The following KALRN variants were observed in gnomAD, a reference collection of about 807,000 sequenced individuals.
KALRN encodes the protein kalirin.
In KALRN, 70 loss-of-function variants were observed where a neutral mutation model predicts 353.7. The ratio of observed to expected loss-of-function variants is 0.20; its 90% CI spans 0.16 to 0.24. The LOEUF (loss-of-function observed/expected upper bound fraction) is 0.24, where lower values mean the gene tolerates loss of function less well. Among genes scored for constraint, KALRN ranks in the 10% least tolerant of loss-of-function variants. The probability of loss-of-function intolerance (pLI) is 1.00; values close to 1 mark genes in which losing one functional copy is unlikely to be tolerated. For missense variants in KALRN, 2,791 were observed against 3,756.7 expected (o/e 0.74, Z 6.72); for synonymous variants, 1,391 against 1,434.8 (o/e 0.97, Z 0.69).
intron 1 of KALRN, among the ~76,000 whole-genome samples, chr3:124,165,810 G>C (rs548933654): frequency 7.9e-5 from 12 of 152,054 alleles, no homozygotes; most frequent in Non-Finnish European, 5.9e-5. Flanking sequence ...AAGTGCTTTC[G>C]CACTGTACCT....
At position 124,638,238 on chromosome 3, in the gene KALRN, A is replaced by G. The variant is rs143599758; in HGVS notation, c.5664+935A>G. 2.4e-3 allele frequency among the ~76,000 whole-genome samples: 372 copies of G among 152,174 alleles called. 3 individuals are homozygous for G. The highest frequency in any genetic ancestry group is 2.9e-3 in the South Asian group (14 of 4,798). ...GGAAAGCTACCTAATAATTTTGACT[A>G]TAGTAACTCCCTTTTCAGATATCCC... On this transcript the variant is annotated intron_variant, in intron 37 of 59. Transcript: ENST00000682506.
In KALRN at chr3:124,477,298, C is replaced by T. The variant is rs766554025; in HGVS notation, c.4155C>T (p.Asn1385=). 6.2e-7 allele frequency: 1 copy of T among 1,613,972 alleles called. No homozygotes were observed. Among genetic ancestry groups the T allele is most frequent in the South Asian group, 1.1e-5 (1 of 91,052 alleles). Residue 1385 remains asparagine, a synonymous_variant, in exon 27 of 60, where the codon AAC becomes AAT. Transcript: ENST00000682506. ...VTYCKNKPDS[N]QLILEHAGTF... ...ACTGTAAAAACAAGCCTGATTCCAA[C>T]CAGCTTATCCTGGAGCATGCGGGCA...
intron 33 of KALRN, among the ~76,000 whole-genome samples, chr3:124,554,920 C>T (rs1265057471): frequency 6.6e-6 from 1 of 152,110 alleles, no homozygotes; most frequent in Non-Finnish European, 1.5e-5. Context: ...TAAAATCTCC[C>T]TAACATGTTT....
chr3:124,579,382 C>T (rs2074419017), intron 34 of KALRN, among the ~76,000 whole-genome samples: 1 of 152,220 alleles, frequency 6.6e-6, no homozygotes, highest in African/African-American at 2.4e-5. Context: ...GCAGGTATCA[C>T]TGAAGACAAA....
chr3:124,549,547 C>T (rs569604055), intron 33 of KALRN, among the ~76,000 whole-genome samples: 1 of 152,002 alleles, frequency 6.6e-6, no homozygotes, highest in East Asian at 1.9e-4. Context: ...TTCAGTAAGC[C>T]AAATAGGGAA....
At chr3:124,264,412 G>T in intron 3 of KALRN, 86 bp from the exon 4 acceptor site, 1 of 1,107,050 alleles carries the variant, frequency 9.0e-7, no homozygotes, top group Non-Finnish European at 1.3e-6. Flanking sequence ...GTCAAGGGGA[G>T]TGCAGGTTTC....
At chr3:124,505,608 G>A (rs1452602789) in intron 33 of KALRN, among the ~76,000 whole-genome samples, 1 of 152,168 alleles carries the variant, frequency 6.6e-6, no homozygotes. Flanking sequence ...ACTCCAACCT[G>A]GAGTGAGACC....
intron 7 of KALRN, among the ~76,000 whole-genome samples, chr3:124,327,489 A>T (rs758510141): frequency 1.3e-5 from 2 of 152,156 alleles, no homozygotes; most frequent in Non-Finnish European, 2.9e-5. Flanking sequence ...TACAATACAG[A>T]GTATTGTATA....
intron 3 of KALRN, 125 bp from the exon 4 acceptor site, chr3:124,264,373 C>A: frequency 1.3e-6 from 1 of 754,758 alleles, no homozygotes; most frequent in East Asian, 2.7e-5. Context: ...GGCCAAGAGA[C>A]CTGGCATGAA....
At position 124,667,104 on chromosome 3, in the gene KALRN, A is replaced by T; in HGVS notation, c.6624A>T (p.Gln2208His). ...NRETSERVVL[Q>H]AANADIQQAW... is the part of the protein sequence containing the mutation. The stretch of plus-strand genomic sequence containing the variant: ...AGACTTCTGAGAGGGTTGTTCTGCA[A>T]GCCGCCAACGCTGACATCCAGCAGG... The change falls in exon 47 of 60, where the codon CAA (glutamine) becomes CAT (histidine). Residue 2208 changes from glutamine to histidine, a missense_variant. This residue lies in a region of KALRN where 1,065 missense variants were observed against 1,156.4 expected (regional missense o/e 0.92). Transcript: ENST00000682506. 6.2e-7 allele frequency: 1 copy of T among 1,614,238 alleles called. No homozygotes were observed. Among genetic ancestry groups the T allele is most frequent in the Non-Finnish European group, 8.5e-7 (1 of 1,180,034 alleles).
intron 1 of KALRN, among the ~76,000 whole-genome samples, chr3:124,056,194 G>A (rs1379568556): frequency 6.6e-6 from 1 of 152,172 alleles, no homozygotes; most frequent in Non-Finnish European, 1.5e-5. Context: ...TGCTGTAGTT[G>A]AGGGGGCATT....
intron 34 of KALRN, among the ~76,000 whole-genome samples, chr3:124,628,882 GC>G (rs58057268): frequency 0.35 from 53,236 of 150,378 alleles, 10,249 homozygotes; most frequent in East Asian, 0.65. Flanking sequence ...GAGCCACCAT[GC>G]CCAGCCATAT....
chr3:124,280,633 G>T (rs1184606097), intron 5 of KALRN, among the ~76,000 whole-genome samples: 2 of 152,154 alleles, frequency 1.3e-5, no homozygotes, highest in African/African-American at 4.8e-5. Flanking sequence ...GTATGTGTAG[G>T]TGCACTAGTT....
chr3:124,376,660 T>C (rs1000393359), intron 10 of KALRN, among the ~76,000 whole-genome samples: 2 of 152,254 alleles, frequency 1.3e-5, no homozygotes, highest in African/African-American at 4.8e-5. Flanking sequence ...TGCTTTATTT[T>C]ATCCTGGGAT....
intron 1 of KALRN, among the ~76,000 whole-genome samples, chr3:124,221,414 G>A (rs2077892251): frequency 6.6e-6 from 1 of 152,164 alleles, no homozygotes; most frequent in South Asian, 2.1e-4. Context: ...AGGTTCTGGA[G>A]TAGAACAAGG....
At chr3:124,259,832 G>A (rs933932335) in intron 3 of KALRN, among the ~76,000 whole-genome samples, 7 of 152,262 alleles carry the variant, frequency 4.6e-5, no homozygotes, top group East Asian at 1.9e-4. Flanking sequence ...AAAGAGTGCC[G>A]GGTGACAGTT....
At chr3:124,474,625 A>G (rs141660253) in intron 25 of KALRN, 38 bp from the exon 26 acceptor site, 1 of 1,559,932 alleles carries the variant, frequency 6.4e-7, no homozygotes, top group Admixed American at 1.7e-5. Context: ...GGTCAGCTGC[A>G]CAGAGGTGTC....
At chr3:124,150,807 C>T (rs1405381759) in intron 1 of KALRN, among the ~76,000 whole-genome samples, 1 of 152,188 alleles carries the variant, frequency 6.6e-6, no homozygotes, top group Non-Finnish European at 1.5e-5. Context: ...GTAATCAGCA[C>T]ACAGATCAAT....
intron 3 of KALRN, among the ~76,000 whole-genome samples, chr3:124,253,227 C>T (rs773826112): frequency 2.0e-4 from 31 of 152,314 alleles, no homozygotes; most frequent in Non-Finnish European, 4.3e-4. Context: ...AGACTCTCCA[C>T]ATGTCTGAAT....
Sources: allele counts gnomAD v4.1 joint callset (sites outside exome capture counted in the v4.1 genomes callset), GRCh38; gene constraint gnomAD v4.1.1; regional missense constraint gnomAD v4.1.1; transcripts MANE v1.5; gene names NCBI Gene and HGNC (gene_info 2026-07-23, HGNC 2026-07-21).